NOS1: variants seen among roughly 807,000 people sequenced by gnomAD.
NOS1 encodes the protein nitric oxide synthase 1.
A neutral mutation model predicts 164.5 loss-of-function variants in NOS1; 51 were observed. That is an observed-to-expected ratio of 0.31 (90% CI 0.25 to 0.39). The LOEUF (loss-of-function observed/expected upper bound fraction) is 0.39, where lower values mean the gene tolerates loss of function less well. Ranked by LOEUF, NOS1 falls within the 10% of genes least tolerant of loss-of-function variation. The probability of loss-of-function intolerance (pLI) is 1.00; values close to 1 mark genes in which losing one functional copy is unlikely to be tolerated. For missense variants in NOS1, 1,362 were observed against 1,885.6 expected, an observed-to-expected ratio of 0.72 and a Z score of 5.14; for synonymous variants, 719 against 745.8, an observed-to-expected ratio of 0.96 and a Z score of 0.59.
rs1482252432 is a variant in NOS1 at position 117,247,511 on chromosome 12, A to G, written c.2660T>C (p.Phe887Ser). 1 of 1,609,478 alleles carries G rather than the reference A, an allele frequency of 6.2e-7. No homozygotes were observed. Residue 887 changes from phenylalanine (F) to serine (S), a missense_variant, in exon 18 of 29, where the codon TTT (phenylalanine) becomes TCT (serine). Physicochemically the swap from Phe to Ser is radical, Grantham distance 155 (BLOSUM62 -2). Around this residue, in one of 4 missense-constraint regions of NOS1, gnomAD observed 737 missense variants for 1,030.3 expected, o/e 0.72. Coordinates refer to ENST00000317775, the MANE Select transcript of NOS1 (RefSeq NM_000620.5). Reference sequence around the variant, plus strand: ...AGGGTATGCTCGTGAGCCGAGGCCAAAAACTGAGAACCTGTCAAGGAGATG... The same window carrying G: ...AGGGTATGCTCGTGAGCCGAGGCCAGAAACTGAGAACCTGTCAAGGAGATG... Reference protein sequence around the residue: ...GPLANVRFSVFGLGSRAYPHF... With the variant: ...GPLANVRFSVSGLGSRAYPHF...
At chr12:117,250,673 T>C (rs1029221573) in intron 17 of NOS1, among the ~76,000 whole-genome samples, 8 of 152,084 alleles carry the variant, frequency 5.3e-5, no homozygotes, top group Non-Finnish European at 1.0e-4. Flanking sequence ...CTAAAAACAT[T>C]ACCCTTTTCT....
At chr12:117,334,250 T>C (rs1030225343) in intron 1 of NOS1, among the ~76,000 whole-genome samples, 2 of 152,166 alleles carry the variant, frequency 1.3e-5, no homozygotes, top group Non-Finnish European at 2.9e-5. Context: ...TGTTTCTCTC[T>C]CACACCTTGG....
chr12:117,221,095 G>T (rs1592923354), intron 26 of NOS1, among the ~76,000 whole-genome samples: 1 of 151,540 alleles, frequency 6.6e-6, no homozygotes, highest in South Asian at 2.1e-4. Flanking sequence ...TGTCCATTCT[G>T]ACTAGTATTG....
Position 117,222,831 on chromosome 12 carries a change from C to T in NOS1, c.3859G>A (p.Gly1287Arg). ...TGATCTATCTTGGATTGCCGGCACC[C>T]GAAGACCAGGACCATGGGGCAGGGG... Reference protein sequence around the residue: ...MNPCPMVLVFGCRQSKIDHIY... With the variant: ...MNPCPMVLVFRCRQSKIDHIY... The change falls in exon 26 of 29, where the codon GGG becomes AGG. Residue 1287 changes from glycine (G) to arginine (R), a missense_variant. Physicochemically the swap from Gly to Arg is moderately radical, Grantham distance 125. This residue lies in a region of NOS1 where 737 missense variants were observed against 1,030.3 expected (regional missense o/e 0.72). Transcript: ENST00000317775. 6.2e-7 allele frequency: 1 copy of T among 1,613,894 alleles called. No homozygotes were observed. The highest frequency in any genetic ancestry group is 1.3e-5 in the African/African-American group (1 of 74,946).
chr12:117,304,116 G>A (rs553736614), intron 3 of NOS1, among the ~76,000 whole-genome samples: 1 of 152,140 alleles, frequency 6.6e-6, no homozygotes, highest in South Asian at 2.1e-4. Flanking sequence ...AGCTTGCAGT[G>A]AGCCGAGATC....
intron 12 of NOS1, among the ~76,000 whole-genome samples, chr12:117,264,621 T>C: frequency 9.8e-6 from 1 of 101,854 alleles, no homozygotes; most frequent in Non-Finnish European, 1.9e-5. Flanking sequence ...CTTCTCTCCC[T>C]CTCTCTCTCC....
intron 3 of NOS1, among the ~76,000 whole-genome samples, chr12:117,306,084 G>A (rs1874130257): frequency 6.6e-6 from 1 of 152,016 alleles, no homozygotes; most frequent in African/African-American, 2.4e-5. Context: ...GAACCACCTT[G>A]CCTGGCCTGG....
chr12:117,326,385 CAAAA>C (rs746345561), intron 2 of NOS1, among the ~76,000 whole-genome samples: 3 of 25,878 alleles, frequency 1.2e-4, no homozygotes, highest in East Asian at 6.3e-4. Flanking sequence ...GACTCTGTCT[CAAAA>C]AAAAAAAAAA....
chr12:117,322,236 C>CT (rs1385757261), intron 2 of NOS1, among the ~76,000 whole-genome samples: 3 of 78,710 alleles, frequency 3.8e-5, no homozygotes, highest in Non-Finnish European at 9.5e-5. Context: ...CCTTCCCTTC[C>CT]TCCCTCCTTC....
chr12:117,309,460 G>T, intron 3 of NOS1: 1 of 788,680 alleles, frequency 1.3e-6, no homozygotes, highest in Non-Finnish European at 1.5e-6. Flanking sequence ...CGCTGGCAGT[G>T]AAAGCTGCCA....
At chr12:117,312,836 T>C (rs1337426645) in intron 2 of NOS1, among the ~76,000 whole-genome samples, 3 of 152,046 alleles carry the variant, frequency 2.0e-5, no homozygotes, top group Admixed American at 6.6e-5. Context: ...ATCACATCCA[T>C]TCTAAAGTAG....
chr12:117,289,869 A>T (rs1879418), intron 4 of NOS1, among the ~76,000 whole-genome samples: 52,339 of 151,988 alleles, frequency 0.34, 9,272 homozygotes, highest in Middle Eastern at 0.4. Flanking sequence ...AAGGGAAAGG[A>T]ATATGCTTAT....
intron 13 of NOS1, among the ~76,000 whole-genome samples, chr12:117,261,726 G>A: frequency 6.6e-6 from 1 of 152,198 alleles, no homozygotes; most frequent in East Asian, 1.9e-4. Flanking sequence ...GCTGAGGCGG[G>A]AGGATCACTT....
chr12:117,361,234 G>T (rs2136103634), intron 1 of NOS1, among the ~76,000 whole-genome samples: 1 of 149,832 alleles, frequency 6.7e-6, no homozygotes, highest in South Asian at 2.2e-4. Context: ...GCCGCGCTCC[G>T]GGTTCTGAAT....
intron 20 of NOS1, among the ~76,000 whole-genome samples, chr12:117,239,027 G>A (rs968537712): frequency 6.6e-6 from 1 of 152,212 alleles, no homozygotes; most frequent in Non-Finnish European, 1.5e-5. Context: ...GGTCTGAGAT[G>A]TAGTTGAAAG....
intron 2 of NOS1, among the ~76,000 whole-genome samples, chr12:117,317,025 C>T (rs933919761): frequency 1.1e-4 from 16 of 152,094 alleles, no homozygotes; most frequent in Admixed American, 3.9e-4. Flanking sequence ...AGGTTACAGA[C>T]GTGCACCACC....
chr12:117,289,270 A>G (rs1592992859), intron 4 of NOS1, among the ~76,000 whole-genome samples: 1 of 152,382 alleles, frequency 6.6e-6, no homozygotes, highest in Middle Eastern at 3.4e-3. Flanking sequence ...CGCAAGCAGC[A>G]ACTTCCCTTA....
rs550165778 is a variant in NOS1 at position 117,253,620 on chromosome 12, C to A, written c.2648+18G>T. 6.3e-7 allele frequency: 1 copy of A among 1,576,628 alleles called. No individual in the cohort carries two copies. ...CTTAGTCTTCCCTGACCCCCGACCC[C>A]CTTATCCCCTTGCTCACCTCACATT... On this transcript the variant is annotated intron_variant, in intron 17 of 28. Transcript: ENST00000317775.
At chr12:117,236,236 C>T (rs575283203) in intron 20 of NOS1, among the ~76,000 whole-genome samples, 4 of 152,192 alleles carry the variant, frequency 2.6e-5, no homozygotes, top group South Asian at 2.1e-4. Flanking sequence ...TGGCTAGAGA[C>T]GCTTGATATT....
Sources: allele counts gnomAD v4.1 joint callset (sites outside exome capture counted in the v4.1 genomes callset), GRCh38; gene constraint gnomAD v4.1.1; regional missense constraint gnomAD v4.1.1; transcripts MANE v1.5; gene names NCBI Gene and HGNC (gene_info 2026-07-23, HGNC 2026-07-21).